The following DYRK1A variants were observed in gnomAD, a reference collection of about 807,000 sequenced individuals.
DYRK1A encodes the protein dual specificity tyrosine-phosphorylation-regulated kinase 1A.
DYRK1A carries 9 observed loss-of-function variants against 79.7 expected under a neutral mutation model. That is an observed-to-expected ratio of 0.11 (90% confidence interval 0.07 to 0.20). The LOEUF (loss-of-function observed/expected upper bound fraction) is 0.20, where lower values mean the gene tolerates loss of function less well. Ranked by LOEUF, DYRK1A falls within the 10% of genes least tolerant of loss-of-function variation. The pLI is 1.00. For synonymous variants in DYRK1A, 349 were observed against 329.7 expected (o/e 1.06, Z -0.63); for missense variants, 622 against 956.0 (o/e 0.65, Z 4.61).
At chr21:37,508,127 C>T (rs1216497437) in intron 11 of DYRK1A, among the ~76,000 whole-genome samples, 1 of 152,216 alleles carries the variant, frequency 6.6e-6, no homozygotes, top group East Asian at 1.9e-4. Flanking sequence ...GGATTCACCA[C>T]ATCTTAATAC....
chr21:37,466,934 A>G (rs1312388804), intron 2 of DYRK1A, among the ~76,000 whole-genome samples: 3 of 152,128 alleles, frequency 2.0e-5, no homozygotes, highest in South Asian at 2.1e-4. Flanking sequence ...TTATGAGAAG[A>G]TATTATAAAA....
rs1049791 is a variant in DYRK1A, at chr21:37,490,383, A to G, written c.846A>G (p.Glu282=). 6.2e-7 allele frequency: 1 copy of G among 1,613,710 alleles called. No individual in the cohort carries two copies. Among genetic ancestry groups the G allele is most frequent in the South Asian group, 1.1e-5 (1 of 91,072 alleles). Residue 282 remains glutamate, a synonymous_variant, in exon 7 of 12, where the codon GAA becomes GAG. Transcript: ENST00000647188. The part of the protein sequence containing the change: ...LSIIHCDLKP[E]NILLCNPKRS... ...TCATTCACTGTGATCTAAAACCTGAAAATATCCTTCTTTGTAACCCCAAAC... is the reference window on the plus strand; with the variant it reads ...TCATTCACTGTGATCTAAAACCTGAGAATATCCTTCTTTGTAACCCCAAAC...
intron 1 of DYRK1A, among the ~76,000 whole-genome samples, chr21:37,392,442 A>G (rs1165476950): frequency 6.6e-6 from 1 of 152,244 alleles, no homozygotes; most frequent in Non-Finnish European, 1.5e-5. Context: ...TGCTCTAACA[A>G]AATACCTTGG....
chr21:37,377,556 C>A (rs141590468), intron 1 of DYRK1A, among the ~76,000 whole-genome samples: 1,647 of 152,254 alleles, frequency 0.011, 28 homozygotes, highest in African/African-American at 0.036. Context: ...GCAGCCTTGA[C>A]CTCCTGGGTT....
At chr21:37,420,405 CA>C (rs1310896853) in intron 2 of DYRK1A, 21 bp downstream of exon 2, 13 of 1,602,810 alleles carry the variant, frequency 8.1e-6, no homozygotes, top group Non-Finnish European at 1.1e-5. Context: ...TTTTGAAATA[CA>C]GTAAAACTCT....
At chr21:37,386,688 A>G (rs1055453141) in intron 1 of DYRK1A, among the ~76,000 whole-genome samples, 4 of 107,524 alleles carry the variant, frequency 3.7e-5, no homozygotes, top group African/African-American at 1.7e-4. Flanking sequence ...TTAACTCACA[A>G]TTGGAATTCC....
intron 1 of DYRK1A, among the ~76,000 whole-genome samples, chr21:37,407,184 C>T (rs2050164094): frequency 6.6e-6 from 1 of 152,212 alleles, no homozygotes; most frequent in African/African-American, 2.4e-5. Context: ...GAAATATTTG[C>T]ATATATGTAG....
intron 2 of DYRK1A, among the ~76,000 whole-genome samples, chr21:37,459,802 C>G (rs2051778912): frequency 6.6e-6 from 1 of 152,202 alleles, no homozygotes; most frequent in Admixed American, 6.5e-5. Flanking sequence ...TGTGTCTCTG[C>G]AGGGCTGTCC....
At chr21:37,442,958 T>C (rs1291754159) in intron 2 of DYRK1A, among the ~76,000 whole-genome samples, 1 of 152,062 alleles carries the variant, frequency 6.6e-6, no homozygotes, top group Non-Finnish European at 1.5e-5. Context: ...TGCCTCAGGC[T>C]TCTGAGTAGC....
At chr21:37,375,056 G>C (rs2049510322) in intron 1 of DYRK1A, 1 of 152,150 alleles carries the variant, frequency 6.6e-6, no homozygotes, top group African/African-American at 2.4e-5. Context: ...TACAGAAGAG[G>C]GAATAAAGGA....
In DYRK1A at chr21:37,522,320, GAC is replaced by G. The variant is rs1184157835; in HGVS notation, c.*9792_*9793del. 2 of 152,250 alleles carry G rather than the reference GAC, an allele frequency of 1.3e-5. No individual in the cohort carries two copies. The highest frequency in any genetic ancestry group is 4.8e-5 in the African/African-American group (2 of 41,448). The allele number at this position is 152,250 out of a possible 1,614,324, so 9.4% of individuals were successfully genotyped here. On this transcript the variant is annotated 3_prime_UTR_variant, in exon 12 of 12. Coordinates refer to ENST00000647188, the MANE Select transcript of DYRK1A (RefSeq NM_001347721.2). ...TCATTCATGCACATTCAAAGTCAGAGACACTGCCCCAACACCTCACTTTAGAG... is the reference window on the plus strand; with the variant it reads ...TCATTCATGCACATTCAAAGTCAGAGACTGCCCCAACACCTCACTTTAGAG...
chr21:37,377,724 T>G (rs2049575621), intron 1 of DYRK1A, among the ~76,000 whole-genome samples: 1 of 152,230 alleles, frequency 6.6e-6, no homozygotes, highest in African/African-American at 2.4e-5. Flanking sequence ...TGTCTTGTCC[T>G]CTCACAGTGC....
At chr21:37,481,860 A>G (rs1053451228) in intron 5 of DYRK1A, among the ~76,000 whole-genome samples, 1 of 151,250 alleles carries the variant, frequency 6.6e-6, no homozygotes, top group African/African-American at 2.5e-5. Flanking sequence ...AAAAAAAAAA[A>G]TGTTAGGGGG....
At chr21:37,491,813 C>T (rs2053106417) in intron 7 of DYRK1A, among the ~76,000 whole-genome samples, 1 of 152,136 alleles carries the variant, frequency 6.6e-6, no homozygotes, top group African/African-American at 2.4e-5. Context: ...TGTATTTTGT[C>T]CTAATATTAA....
At chr21:37,441,197 A>G (rs1458054738) in intron 2 of DYRK1A, among the ~76,000 whole-genome samples, 1 of 152,168 alleles carries the variant, frequency 6.6e-6, no homozygotes, top group East Asian at 1.9e-4. Flanking sequence ...CTTTGATAAT[A>G]TAGCCATTCT....
intron 1 of DYRK1A, among the ~76,000 whole-genome samples, chr21:37,395,212 C>G (rs2049938384): frequency 6.6e-6 from 1 of 152,228 alleles, no homozygotes; most frequent in Non-Finnish European, 1.5e-5. Context: ...CGAAAGCTCA[C>G]TAGGAAATGT....
chr21:37,460,851 CTT>C (rs1488240248), intron 2 of DYRK1A, among the ~76,000 whole-genome samples: 1 of 152,032 alleles, frequency 6.6e-6, no homozygotes, highest in Admixed American at 6.5e-5. Context: ...TATTTTATAA[CTT>C]TAGGATATTA....
intron 11 of DYRK1A, among the ~76,000 whole-genome samples, chr21:37,508,734 A>AT (rs1173121479): frequency 1.3e-5 from 2 of 151,712 alleles, no homozygotes; most frequent in African/African-American, 4.8e-5. Context: ...ACACTAATTC[A>AT]TTTTTCACTT....
chr21:37,479,596 TTTTGTTTTTGTTTTTGTTTTTTG>T lies in DYRK1A; in HGVS notation c.301-1038_301-1016del, dbSNP rs1569362002. 2.4e-3 allele frequency among the ~76,000 whole-genome samples: 164 copies of T among 68,546 alleles called. 4 individuals carry two copies. The highest frequency in any genetic ancestry group is 0.017 in the African/African-American group (155 of 9,088). The allele number at this position is 68,546 out of a possible 152,430, so 45.0% of individuals were successfully genotyped here. On this transcript the variant is annotated intron_variant, in intron 4 of 11. Transcript: ENST00000647188. ...CTTAGAAACAGTGTTGGTGTTTTGT[TTTTGTTTTTGTTTTTGTTTTTTG>T]TTTTTTTTTTTTTTTTTGGAGACAG...
Sources: gnomAD v4.1 joint callset for allele counts (sites outside exome capture counted in the v4.1 genomes callset) on GRCh38, gnomAD v4.1.1 for gene constraint, MANE v1.5 for transcripts, NCBI Gene and HGNC (gene_info 2026-07-23, HGNC 2026-07-21) for gene names.